Variants in XPO6 observed in about 807,000 individuals in gnomAD.
XPO6 encodes the protein exportin 6.
A neutral mutation model predicts 130.0 loss-of-function variants in XPO6; 3 were observed. The ratio of observed to expected loss-of-function variants is 0.02; its 90% confidence interval spans 0.01 to 0.06. The LOEUF is 0.06. XPO6 is among the 10% of genes least tolerant of loss of function. The pLI is 1.00. For synonymous variants in XPO6, 524 were observed against 548.9 expected (o/e 0.95, Z 0.63); for missense variants, 970 against 1,393.0 (o/e 0.70, Z 4.83).
intron 2 of XPO6, among the ~76,000 whole-genome samples, chr16:28,177,670 G>A (rs1040994736): frequency 6.6e-6 from 1 of 152,182 alleles, no homozygotes; most frequent in African/African-American, 2.4e-5. Context: ...AAAACTGCTA[G>A]CTAACTTACT....
chr16:28,210,554 G>A (rs1224336385), intron 1 of XPO6, among the ~76,000 whole-genome samples: 4 of 152,208 alleles, frequency 2.6e-5, no homozygotes, highest in Non-Finnish European at 4.4e-5. Context: ...AGAGCAAAAA[G>A]GCAAATGCTT....
intron 9 of XPO6, among the ~76,000 whole-genome samples, chr16:28,138,283 G>A (rs2042820409): frequency 6.6e-6 from 1 of 152,144 alleles, no homozygotes. Context: ...TGCTGTGACA[G>A]ATCAAAATAT....
chr16:28,099,369 G>C (rs1386320117), intron 23 of XPO6, among the ~76,000 whole-genome samples: 1 of 152,176 alleles, frequency 6.6e-6, no homozygotes, highest in African/African-American at 2.4e-5. Context: ...GCAGGACCAA[G>C]TTCATTTTCC....
At chr16:28,112,609 G>A (rs928738975) in intron 16 of XPO6, among the ~76,000 whole-genome samples, 10 of 152,232 alleles carry the variant, frequency 6.6e-5, no homozygotes, top group African/African-American at 2.4e-4. Flanking sequence ...CAGAAAGAAT[G>A]CAAAGAGAAT....
At chr16:28,177,179 A>T in intron 3 of XPO6, 41 bp downstream of exon 3, 1 of 1,435,700 alleles carries the variant, frequency 7.0e-7, no homozygotes. Flanking sequence ...ATAGAACTAC[A>T]AAATCCTTTT....
intron 1 of XPO6, among the ~76,000 whole-genome samples, chr16:28,202,246 A>G (rs1479824604): frequency 2.0e-5 from 3 of 152,234 alleles, no homozygotes; most frequent in Non-Finnish European, 2.9e-5. Context: ...GAGGGACCTC[A>G]AAGTAAGTAA....
At chr16:28,166,710 T>C (rs2043362446) in intron 5 of XPO6, 125 bp from the exon 6 acceptor site, 3 of 1,488,116 alleles carry the variant, frequency 2.0e-6, no homozygotes, top group African/African-American at 2.8e-5. Context: ...TTCTTGACCA[T>C]GTCCTCCTCC....
intron 8 of XPO6, 28 bp from the exon 9 acceptor site, chr16:28,146,231 G>T (rs2042980184): frequency 6.7e-7 from 1 of 1,484,350 alleles, no homozygotes; most frequent in African/African-American, 1.4e-5. Context: ...TCCAGACAAT[G>T]AAATTATTTA....
intron 1 of XPO6, among the ~76,000 whole-genome samples, chr16:28,189,277 A>G (rs2043747545): frequency 6.9e-6 from 1 of 144,748 alleles, no homozygotes; most frequent in African/African-American, 2.6e-5. Context: ...AAAAAAAAGC[A>G]CAGCATATTG....
chr16:28,114,383 G>A (rs1019537124), intron 15 of XPO6, among the ~76,000 whole-genome samples: 3 of 152,118 alleles, frequency 2.0e-5, no homozygotes, highest in African/African-American at 7.2e-5. Context: ...ATACCTCAGA[G>A]ATACTGCAGG....
intron 11 of XPO6, 101 bp downstream of exon 11, chr16:28,133,740 G>A: frequency 2.0e-6 from 2 of 1,003,048 alleles, no homozygotes; most frequent in Non-Finnish European, 3.0e-6. Context: ...TTACATAGAG[G>A]GGAAAGAGGG....
chr16:28,176,311 C>A (rs1354667667), intron 3 of XPO6, among the ~76,000 whole-genome samples: 1 of 152,162 alleles, frequency 6.6e-6, no homozygotes, highest in Non-Finnish European at 1.5e-5. Flanking sequence ...AAACAAAAAG[C>A]TGTATGTGCA....
At chr16:28,189,103 A>G (rs954303171) in intron 1 of XPO6, among the ~76,000 whole-genome samples, 4 of 151,466 alleles carry the variant, frequency 2.6e-5, no homozygotes, top group Non-Finnish European at 5.9e-5. Flanking sequence ...ACACCACCAC[A>G]TCCAGCTGAT....
In XPO6 at chr16:28,125,836, T is replaced by C; in HGVS notation, c.1619A>G (p.Asn540Ser). Residue 540 changes from asparagine (N) to serine (S), a missense_variant, in exon 13 of 24, where the codon AAC (asparagine) becomes AGC (serine). This residue lies in a region of XPO6 where 936 missense variants were observed against 1,306.8 expected (regional missense o/e 0.72). Transcript: ENST00000304658. ...CCGGCAGTCGTTCTCCGCCGTGATG[T>C]TCAACCTGTGTCCTGGAACACAACA... is the stretch of plus-strand genomic sequence containing the variant. ...IVTSGSGHRL[N>S]ITAENDCRRL... 6.2e-7 allele frequency: 1 copy of C among 1,613,824 alleles called. No homozygotes were observed. The highest frequency in any genetic ancestry group is 8.5e-7 in the Non-Finnish European group (1 of 1,179,950).
At chr16:28,201,675 T>C (rs1353605633) in intron 1 of XPO6, among the ~76,000 whole-genome samples, 1 of 151,900 alleles carries the variant, frequency 6.6e-6, no homozygotes, top group Non-Finnish European at 1.5e-5. Flanking sequence ...GCTAACACGG[T>C]GAAACCCCAT....
chr16:28,157,442 C>T (rs773441025), intron 6 of XPO6, among the ~76,000 whole-genome samples: 3 of 151,392 alleles, frequency 2.0e-5, no homozygotes, highest in South Asian at 2.1e-4. Flanking sequence ...GCATCAAGAG[C>T]GAAACTCCAT....
At chr16:28,182,339 C>A (rs7199187) in intron 1 of XPO6, among the ~76,000 whole-genome samples, 1 of 151,940 alleles carries the variant, frequency 6.6e-6, no homozygotes, top group Non-Finnish European at 1.5e-5. Context: ...TTCTCAGTAC[C>A]AATTACAGAG....
chr16:28,134,006 T>A, intron 10 of XPO6, 73 bp from the exon 11 acceptor site: 4 of 1,453,484 alleles, frequency 2.8e-6, no homozygotes, highest in Non-Finnish European at 3.8e-6. Context: ...AAGACCACTC[T>A]CAGACATAAA....
At chr16:28,167,056 C>T (rs1370148803) in intron 5 of XPO6, 2 of 867,394 alleles carry the variant, frequency 2.3e-6, no homozygotes, top group Non-Finnish European at 2.8e-6. Context: ...GGTTCCCTGA[C>T]TGACCTGCTT....
Sources: allele counts gnomAD v4.1 joint callset (sites outside exome capture counted in the v4.1 genomes callset), GRCh38; gene constraint gnomAD v4.1.1; regional missense constraint gnomAD v4.1.1; transcripts MANE v1.5; gene names NCBI Gene and HGNC (gene_info 2026-07-23, HGNC 2026-07-21).